PLEKHA5: variants seen among roughly 807,000 people sequenced by gnomAD.
PLEKHA5 encodes pleckstrin homology domain containing A5, also known as pleckstrin homology domain-containing family A member 5.
A neutral mutation model predicts 181.9 loss-of-function variants in PLEKHA5; 55 were observed. The ratio of observed to expected loss-of-function variants is 0.30; its 90% CI spans 0.24 to 0.38. The LOEUF (loss-of-function observed/expected upper bound fraction) is 0.38. Ranked by LOEUF, PLEKHA5 falls within the 10% of genes least tolerant of loss-of-function variation. PLEKHA5 has a pLI of 1.00. For missense variants in PLEKHA5, 1,432 were observed against 1,549.5 expected (o/e 0.92, Z 1.27); for synonymous variants, 535 against 529.4 (o/e 1.01, Z -0.15).
At chr12:19,233,843 C>G (rs940420119) in intron 3 of PLEKHA5, among the ~76,000 whole-genome samples, 1 of 152,096 alleles carries the variant, frequency 6.6e-6, no homozygotes, top group East Asian at 1.9e-4. Flanking sequence ...ATAGAGATAA[C>G]GTGAAAAGAG....
chr12:19,335,705 C>T (rs1181255139), intron 20 of PLEKHA5, among the ~76,000 whole-genome samples: 2 of 151,322 alleles, frequency 1.3e-5, no homozygotes, highest in South Asian at 2.1e-4. Context: ...AATCTCGGCT[C>T]ACTGCAACCT....
At chr12:19,205,822 A>C (rs550422152) in intron 3 of PLEKHA5, among the ~76,000 whole-genome samples, 1 of 152,098 alleles carries the variant, frequency 6.6e-6, no homozygotes, top group East Asian at 1.9e-4. Flanking sequence ...TTGCTTTCAC[A>C]TTTCTATATT....
chr12:19,227,142 A>T (rs998193973), intron 3 of PLEKHA5, among the ~76,000 whole-genome samples: 6 of 152,140 alleles, frequency 3.9e-5, no homozygotes, highest in African/African-American at 1.4e-4. Context: ...TTTTCATTTT[A>T]AATTACATTT....
intron 8 of PLEKHA5, among the ~76,000 whole-genome samples, chr12:19,268,133 AC>A (rs1158399862): frequency 6.6e-6 from 1 of 152,174 alleles, no homozygotes; most frequent in Non-Finnish European, 1.5e-5. Flanking sequence ...ATCAAAATAA[AC>A]TGTATCAACA....
At chr12:19,253,899 A>T in intron 3 of PLEKHA5, 41 bp from the exon 4 acceptor site, 1 of 1,087,764 alleles carries the variant, frequency 9.2e-7, no homozygotes, top group Non-Finnish European at 1.4e-6. Flanking sequence ...TGGGAATTTT[A>T]AATACCTGCA....
rs1315000818 is a variant in PLEKHA5 at position 19,129,877 on chromosome 12, C to T, written c.78C>T (p.Val26=). 1.2e-6 allele frequency: 2 copies of T among 1,603,026 alleles called. No homozygotes were observed. Among genetic ancestry groups the T allele is most frequent in the Admixed American group, 1.7e-5 (1 of 59,198 alleles). Residue 26 remains valine (V), a synonymous_variant, in exon 1 of 32, where the codon GTC becomes GTT. Transcript: ENST00000429027. ...ACGGGATCACCAGGGGCGGCCGAGT[C>T]TTCTTCATCAAGTAAAGAGCCGGGG... is the stretch of plus-strand genomic sequence containing the variant. The part of the protein sequence containing the change: ...WTYGITRGGR[V]FFINEEAKST...
chr12:19,144,346 A>G (rs1188685390), intron 3 of PLEKHA5, among the ~76,000 whole-genome samples: 1 of 152,206 alleles, frequency 6.6e-6, no homozygotes, highest in Non-Finnish European at 1.5e-5. Context: ...AACTGAGGTC[A>G]TGAGTCTGGA....
chr12:19,354,748 C>T (rs1037947684), intron 26 of PLEKHA5, among the ~76,000 whole-genome samples: 14 of 152,144 alleles, frequency 9.2e-5, no homozygotes, highest in Admixed American at 4.6e-4. Context: ...TCCCAAACTG[C>T]TGGGATTACA....
intron 24 of PLEKHA5, among the ~76,000 whole-genome samples, chr12:19,347,687 C>T (rs2094405733): frequency 6.6e-6 from 1 of 151,764 alleles, no homozygotes; most frequent in Non-Finnish European, 1.5e-5. Context: ...ATATAATAAG[C>T]AAAGAGAAAA....
chr12:19,275,099 C>A, intron 11 of PLEKHA5, 116 bp downstream of exon 11: 1 of 647,396 alleles, frequency 1.5e-6, no homozygotes, highest in Non-Finnish European at 2.7e-6. Flanking sequence ...GCTGTTATAG[C>A]TTCATTACTA....
chr12:19,323,815 CAAAAAAAAAA>C (rs376204923), intron 20 of PLEKHA5, among the ~76,000 whole-genome samples: 1 of 116,002 alleles, frequency 8.6e-6, no homozygotes, highest in East Asian at 2.4e-4. Flanking sequence ...GACTCTGTTT[CAAAAAAAAAA>C]AAAAAAAGAA....
At chr12:19,137,234 G>A (rs567190949) in intron 3 of PLEKHA5, among the ~76,000 whole-genome samples, 9 of 151,928 alleles carry the variant, frequency 5.9e-5, no homozygotes, top group Non-Finnish European at 1.3e-4. Flanking sequence ...AAGGGGTTTC[G>A]CCACGTTGGC....
intron 3 of PLEKHA5, among the ~76,000 whole-genome samples, chr12:19,143,869 CT>C (rs1392326270): frequency 3.9e-4 from 59 of 152,232 alleles, no homozygotes; most frequent in African/African-American, 1.4e-3. Flanking sequence ...TATTCCTCTA[CT>C]TCCAGGTAAC....
In PLEKHA5 at chr12:19,345,838, C is replaced by A; in HGVS notation, c.2663-4C>A. The A allele has an allele frequency of 7.3e-7, 1 of 1,372,022 alleles. No individual in the cohort carries two copies. Among genetic ancestry groups the A allele is most frequent in the Non-Finnish European group, 1.0e-6 (1 of 972,708 alleles). The allele number at this position is 1,372,022 out of a possible 1,614,324, so 85.0% of individuals were successfully genotyped here. A position where few individuals can be genotyped will look rare whatever the true frequency, so the allele number is the denominator to read the frequency against. On this transcript the variant is annotated splice_polypyrimidine_tract_variant and splice_region_variant and intron_variant, in intron 22 of 31. Coordinates refer to ENST00000429027, the MANE Select transcript of PLEKHA5 (RefSeq NM_001256470.2). ...AATATAGTTACGTTTTCTAATATTCCCAGGTATGATAGGATCAAAGCCTTT... is the reference window on the plus strand; with the variant it reads ...AATATAGTTACGTTTTCTAATATTCACAGGTATGATAGGATCAAAGCCTTT...
intron 11 of PLEKHA5, among the ~76,000 whole-genome samples, chr12:19,278,893 C>A (rs940003165): frequency 2.6e-5 from 4 of 152,134 alleles, no homozygotes; most frequent in Admixed American, 2.6e-4. Flanking sequence ...TTTGAACAAC[C>A]TCTTTTTGAG....
chr12:19,277,270 C>T lies in PLEKHA5; in HGVS notation c.1313+2287C>T, dbSNP rs528653213. ...TCTCTGCTCACCAAGTTAAATCTTA[C>T]TTCAAAGAAGAATCACTTTTCCCCG... On this transcript the variant is annotated intron_variant, in intron 11 of 31. Transcript: ENST00000429027. 6.6e-5 allele frequency among the ~76,000 whole-genome samples: 10 copies of T among 152,244 alleles called. No homozygotes were observed. The South Asian group carries it at 2.1e-3, about 32-fold the overall frequency.
intron 30 of PLEKHA5, among the ~76,000 whole-genome samples, chr12:19,369,265 C>G (rs1256848185): frequency 6.6e-6 from 1 of 151,728 alleles, no homozygotes; most frequent in African/African-American, 2.4e-5. Flanking sequence ...GAACTCCTGA[C>G]CTCAAATGAT....
At chr12:19,261,117 G>A in intron 7 of PLEKHA5, 96 bp downstream of exon 7, 1 of 603,902 alleles carries the variant, frequency 1.7e-6, no homozygotes, top group Non-Finnish European at 2.9e-6. Context: ...AACTCTGTGT[G>A]CTATTTTATT....
chr12:19,310,272 T>C (rs1011503498), intron 15 of PLEKHA5, among the ~76,000 whole-genome samples: 1 of 152,186 alleles, frequency 6.6e-6, no homozygotes, highest in African/African-American at 2.4e-5. Flanking sequence ...GATTCTTATA[T>C]TCAAACCAGA....
Sources: gnomAD v4.1 joint callset for allele counts (sites outside exome capture counted in the v4.1 genomes callset) on GRCh38, gnomAD v4.1.1 for gene constraint, MANE v1.5 for transcripts, NCBI Gene and HGNC (gene_info 2026-07-23, HGNC 2026-07-21) for gene names.